PCDH7: variants seen among roughly 807,000 people sequenced by gnomAD.
The protein encoded by PCDH7 is protocadherin 7, also known as protocadherin-7.
Under a neutral mutation model 58.9 loss-of-function variants are expected in PCDH7, and 17 were observed. The ratio of observed to expected loss-of-function variants is 0.29; its 90% confidence interval spans 0.20 to 0.43. The LOEUF (loss-of-function observed/expected upper bound fraction) is 0.43, where lower values mean the gene tolerates loss of function less well. Among genes scored for constraint, PCDH7 ranks in the 20% least tolerant of loss-of-function variants. The pLI is 1.00. For synonymous variants in PCDH7, 664 were observed against 616.4 expected (o/e 1.08, Z -1.14); for missense variants, 1,274 against 1,441.0 (o/e 0.88, Z 1.88).
chr4:30,839,639 G>T (rs542943948), intron 1 of PCDH7, among the ~76,000 whole-genome samples: 15 of 152,096 alleles, frequency 9.9e-5, no homozygotes, highest in Non-Finnish European at 1.9e-4. Context: ...CAGCTTCACT[G>T]TCTGATTTCA....
chr4:31,071,619 T>A (rs1317296054), intron 3 of PCDH7, among the ~76,000 whole-genome samples: 4 of 152,034 alleles, frequency 2.6e-5, no homozygotes, highest in Non-Finnish European at 5.9e-5. Context: ...GATAAAATAA[T>A]GGGGTAAGTC....
At chr4:31,063,292 T>A (rs1348962080) in intron 3 of PCDH7, among the ~76,000 whole-genome samples, 1 of 151,886 alleles carries the variant, frequency 6.6e-6, no homozygotes, top group Non-Finnish European at 1.5e-5. Context: ...ATAACTTTAA[T>A]ACATGCAGGT....
In PCDH7 at chr4:31,030,409, A is replaced by C. The variant is rs76936974; in HGVS notation, c.*7+80194A>C. 2.0e-5 allele frequency among the ~76,000 whole-genome samples: 3 copies of C among 152,216 alleles called. No homozygotes were observed. The East Asian group carries it at 5.8e-4, about 29-fold the overall frequency. On this transcript the variant is annotated intron_variant, in intron 3 of 3. Transcript: ENST00000509759. ...CCAAACTTTTGCATTTAGGAATGCTATCTGAAGACTAGCCAGGGTTAGCTA... is the reference window on the plus strand; with the variant it reads ...CCAAACTTTTGCATTTAGGAATGCTCTCTGAAGACTAGCCAGGGTTAGCTA...
chr4:31,034,114 C>CAAAA (rs891407184), intron 3 of PCDH7, among the ~76,000 whole-genome samples: 1 of 151,688 alleles, frequency 6.6e-6, no homozygotes, highest in Non-Finnish European at 1.5e-5. Flanking sequence ...AACAAACAAA[C>CAAAA]AAAAAACTAT....
At chr4:30,890,992 T>A (rs563935433) in intron 1 of PCDH7, among the ~76,000 whole-genome samples, 1 of 152,200 alleles carries the variant, frequency 6.6e-6, no homozygotes, top group South Asian at 2.1e-4. Context: ...AGGCTCAAAC[T>A]AGATGCTCCA....
At position 30,900,853 on chromosome 4, in the gene PCDH7, C is replaced by T. The variant is rs1278659845; in HGVS notation, c.71-19300C>T. Among the ~76,000 whole-genome samples the T allele has an allele frequency of 2.0e-5, 3 of 151,944 alleles. No homozygotes were observed. The South Asian group carries it at 6.2e-4, about 32-fold the overall frequency. ...AGTCAGGAATGGCACTCTATATTTG[C>T]AATATGATGATAAAAAATAGGGCTA... On this transcript the variant is annotated intron_variant, in intron 1 of 3. Transcript: ENST00000509759.
At chr4:30,754,362 G>A (rs1421628737) in intron 1 of PCDH7, among the ~76,000 whole-genome samples, 1 of 152,082 alleles carries the variant, frequency 6.6e-6, no homozygotes, top group African/African-American at 2.4e-5. Flanking sequence ...GCAGCTCCAG[G>A]GACATGAGCA....
chr4:30,770,561 C>T (rs1217561590), intron 1 of PCDH7, among the ~76,000 whole-genome samples: 1 of 152,142 alleles, frequency 6.6e-6, no homozygotes, highest in Non-Finnish European at 1.5e-5. Flanking sequence ...CTTATAGATT[C>T]ATTCACTGCA....
At chr4:30,731,004 G>A (rs1226257344) in exon 2 of PCDH7, 2 of 1,217,706 alleles carry the variant, frequency 1.6e-6, no homozygotes, top group Non-Finnish European at 2.0e-6. Context: ...GCAGAAATGT[G>A]CTACTAATGG....
intron 3 of PCDH7, among the ~76,000 whole-genome samples, chr4:30,974,145 G>GTTCTTTCTTTCT (rs148838411): frequency 6.6e-6 from 1 of 150,792 alleles, no homozygotes; most frequent in Non-Finnish European, 1.5e-5. Flanking sequence ...TGGTGTTGCA[G>GTTCTTTCTTTCT]TTCTTTCTTT....
In PCDH7 at chr4:30,721,017, C is replaced by A; in HGVS notation, c.-406C>A. The A allele has an allele frequency of 5.2e-6, 1 of 193,886 alleles. No homozygotes were observed. Among genetic ancestry groups the A allele is most frequent in the Non-Finnish European group, 1.0e-5 (1 of 96,428 alleles). The allele number at this position is 193,886 out of a possible 1,614,324, so 12.0% of individuals were successfully genotyped here. ...GCCCGTCTGCCGGAGCGGTTCTGGC[C>A]CCTTCCGACAGAGCGGGGACTAGAG... is the stretch of plus-strand genomic sequence containing the variant. On this transcript the variant is annotated 5_prime_UTR_variant, in exon 1 of 2. Transcript: ENST00000361762. This position sits in a 1 kb window ranked among gnomAD's most constrained non-coding sequence, Gnocchi z 6.7.
At chr4:30,805,844 A>T (rs112721848) in intron 1 of PCDH7, among the ~76,000 whole-genome samples, 7 of 152,202 alleles carry the variant, frequency 4.6e-5, no homozygotes, top group African/African-American at 1.7e-4. Context: ...TGACACTTCT[A>T]TGCTTCTTAC....
chr4:31,031,794 T>C (rs1210435485), intron 3 of PCDH7, among the ~76,000 whole-genome samples: 1 of 152,222 alleles, frequency 6.6e-6, no homozygotes, highest in African/African-American at 2.4e-5. Flanking sequence ...ATTCCTATTA[T>C]CTGCCAGTTT....
At chr4:30,996,140 T>G (rs1751880735) in intron 3 of PCDH7, among the ~76,000 whole-genome samples, 1 of 152,206 alleles carries the variant, frequency 6.6e-6, no homozygotes, top group African/African-American at 2.4e-5. Flanking sequence ...TCACAAAACC[T>G]TAGTGCCTTT....
At chr4:30,885,247 T>G (rs562379251) in intron 1 of PCDH7, 3 of 152,196 alleles carry the variant, frequency 2.0e-5, no homozygotes, top group African/African-American at 7.2e-5. Flanking sequence ...CAGGGTACCA[T>G]AGTGATTAAA....
chr4:31,102,946 T>C lies in PCDH7; in HGVS notation c.*8-39527T>C, dbSNP rs571907179. ...GTGTCATAGAACTCTACGACAAATA[T>C]ATAATTTAGTTTGAACAATGTGTAA... is the stretch of plus-strand genomic sequence containing the variant. On this transcript the variant is annotated intron_variant, in intron 3 of 3. Coordinates refer to the PCDH7 transcript ENST00000509759. Among the ~76,000 whole-genome samples the C allele has an allele frequency of 2.0e-5, 3 of 152,346 alleles. No homozygotes were observed. The South Asian group carries it at 6.2e-4, about 32-fold the overall frequency.
Position 31,101,257 on chromosome 4 carries a change from T to A in PCDH7, c.*8-41216T>A, listed in dbSNP as rs1364508956. Among the ~76,000 whole-genome samples the A allele has an allele frequency of 7.9e-5, 12 of 152,310 alleles. No homozygotes were observed. The East Asian group carries it at 2.3e-3, about 29-fold the overall frequency. On this transcript the variant is annotated intron_variant, in intron 3 of 3. Transcript: ENST00000509759. ...TAAATTTGAATTGTCAAAGGAAATT[T>A]TACATGCATTAAGCCCTCAGTAAAA...
chr4:30,839,124 A>G (rs1452002169), intron 1 of PCDH7, among the ~76,000 whole-genome samples: 1 of 151,784 alleles, frequency 6.6e-6, no homozygotes, highest in African/African-American at 2.4e-5. Context: ...TGTAGTATAT[A>G]TAATAATCAC....
chr4:30,724,322 T>A, exon 1 of PCDH7: 2 of 1,614,052 alleles, frequency 1.2e-6, no homozygotes, highest in Non-Finnish European at 1.7e-6. Context: ...TATGATAGTG[T>A]CAATGAGAAG....
Sources: allele counts gnomAD v4.1 joint callset (sites outside exome capture counted in the v4.1 genomes callset), GRCh38; gene constraint gnomAD v4.1.1; non-coding constraint Gnocchi (gnomAD v3.1); transcripts MANE v1.5; gene names NCBI Gene and HGNC (gene_info 2026-07-23, HGNC 2026-07-21).